SOX5: variants seen among roughly 807,000 people sequenced by gnomAD.
SOX5 encodes transcription factor SOX-5.
In SOX5, 9 loss-of-function variants were observed where a neutral mutation model predicts 92.0. The observed-to-expected ratio is 0.10, with a 90% CI of 0.06 to 0.17. The LOEUF is 0.17. Among genes scored for constraint, SOX5 ranks in the 10% least tolerant of loss-of-function variants. SOX5 has a pLI of 1.00. For missense variants in SOX5, 642 were observed against 944.5 expected (o/e 0.68, Z 4.20); for synonymous variants, 344 against 336.3 (o/e 1.02, Z -0.25).
chr12:24,382,967 T>C (rs375655873), intron 1 of SOX5, among the ~76,000 whole-genome samples: 71 of 152,282 alleles, frequency 4.7e-4, no homozygotes, highest in African/African-American at 1.6e-3. Context: ...GATACGTGTG[T>C]CTGGAGTTTA....
At chr12:23,941,049 T>C (rs780053175) in intron 1 of SOX5, among the ~76,000 whole-genome samples, 2 of 151,568 alleles carry the variant, frequency 1.3e-5, no homozygotes, top group African/African-American at 2.4e-5. Context: ...TTTGTATTTC[T>C]ATGAAATGTT....
chr12:23,802,174 T>C (rs1349079934), intron 3 of SOX5, among the ~76,000 whole-genome samples: 3 of 151,786 alleles, frequency 2.0e-5, no homozygotes, highest in Non-Finnish European at 4.4e-5. Flanking sequence ...CCCGGGTTCA[T>C]GCCATTCTCC....
chr12:24,370,935 A>G (rs1164788803), intron 1 of SOX5, among the ~76,000 whole-genome samples: 1 of 152,208 alleles, frequency 6.6e-6, no homozygotes, highest in Non-Finnish European at 1.5e-5. Context: ...TTTGGTAGAG[A>G]GAATAGGAAG....
chr12:23,668,402 C>G (rs941210208), intron 6 of SOX5, among the ~76,000 whole-genome samples: 1 of 152,144 alleles, frequency 6.6e-6, no homozygotes, highest in Admixed American at 6.6e-5. Flanking sequence ...AAACAATGAG[C>G]AGTGACTGTA....
intron 1 of SOX5, among the ~76,000 whole-genome samples, chr12:24,526,087 T>C (rs896737550): frequency 1.3e-5 from 2 of 151,984 alleles, no homozygotes; most frequent in Admixed American, 1.3e-4. Context: ...CCCAGGCCGG[T>C]CTCATACTCC....
chr12:23,606,311 C>T (rs1278819553), intron 8 of SOX5, among the ~76,000 whole-genome samples: 1 of 151,724 alleles, frequency 6.6e-6, no homozygotes, highest in Non-Finnish European at 1.5e-5. Context: ...AACTATATTA[C>T]ATTTTATGAA....
chr12:24,153,636 C>A lies in SOX5; in HGVS notation c.-2+59707G>T, dbSNP rs1951875436. On this transcript the variant is annotated intron_variant, in intron 4 of 4. Transcript: ENST00000446891. ...TCCTATGACCTTACCTCTGTTCTTG[C>A]ACACTCCACTGAAATAATGGCAAGA... Among the ~76,000 whole-genome samples the A allele has an allele frequency of 3.3e-5, 5 of 152,064 alleles. 1 individual carries two copies. In the South Asian group the frequency reaches 1.0e-3, roughly 32 times the overall value.
intron 5 of SOX5, chr12:23,738,339 G>A (rs1300462482): frequency 6.6e-6 from 1 of 152,190 alleles, no homozygotes; most frequent in African/African-American, 2.4e-5. Flanking sequence ...AGTATTAAAT[G>A]TCTTTCATGA....
intron 3 of SOX5, among the ~76,000 whole-genome samples, chr12:24,249,252 C>G (rs1489548814): frequency 6.6e-6 from 1 of 152,202 alleles, no homozygotes; most frequent in African/African-American, 2.4e-5. Flanking sequence ...TAACCTAACT[C>G]CTTTCCATTT....
At chr12:23,562,334 C>A (rs899377356) in intron 11 of SOX5, among the ~76,000 whole-genome samples, 3 of 152,246 alleles carry the variant, frequency 2.0e-5, no homozygotes, top group African/African-American at 7.2e-5. Context: ...TGCAGATTGC[C>A]AGCTTCTTAG....
At chr12:24,414,126 G>GCCCA (rs1184334424) in intron 1 of SOX5, among the ~76,000 whole-genome samples, 1 of 151,954 alleles carries the variant, frequency 6.6e-6, no homozygotes, top group Non-Finnish European at 1.5e-5. Flanking sequence ...AAATAATAGA[G>GCCCA]TTTCATTTAC....
At chr12:23,682,604 A>G (rs1011248129) in intron 6 of SOX5, among the ~76,000 whole-genome samples, 1 of 151,774 alleles carries the variant, frequency 6.6e-6, no homozygotes, top group African/African-American at 2.4e-5. Context: ...GGGAAAAACA[A>G]TCAAGAATAA....
At chr12:23,690,694 C>T (rs150697670) in intron 6 of SOX5, among the ~76,000 whole-genome samples, 2 of 152,320 alleles carry the variant, frequency 1.3e-5, no homozygotes, top group East Asian at 3.9e-4. Flanking sequence ...TGTCGAATGG[C>T]CTTGACCTAA....
chr12:24,356,606 C>T (rs756528748), intron 2 of SOX5, among the ~76,000 whole-genome samples: 8 of 152,166 alleles, frequency 5.3e-5, no homozygotes, highest in Non-Finnish European at 1.0e-4. Context: ...TGTCAGCTCA[C>T]TAAATTACAC....
intron 2 of SOX5, among the ~76,000 whole-genome samples, chr12:23,859,107 G>A (rs998768971): frequency 6.6e-6 from 1 of 152,062 alleles, no homozygotes; most frequent in Non-Finnish European, 1.5e-5. Context: ...ATGAAATCAG[G>A]GCACCCTGAA....
At chr12:24,330,534 CCCT>C (rs1410973617) in intron 2 of SOX5, among the ~76,000 whole-genome samples, 1 of 152,170 alleles carries the variant, frequency 6.6e-6, no homozygotes, top group Non-Finnish European at 1.5e-5. Flanking sequence ...TCCTTGACAA[CCCT>C]CAATAATAGT....
chr12:23,870,819 A>G (rs1355151308), intron 2 of SOX5, among the ~76,000 whole-genome samples: 5 of 152,102 alleles, frequency 3.3e-5, no homozygotes, highest in African/African-American at 1.2e-4. Flanking sequence ...TGATCGTTCA[A>G]GTTTTTTTCA....
chr12:24,059,502 C>T (rs914126981), intron 4 of SOX5, among the ~76,000 whole-genome samples: 2 of 152,096 alleles, frequency 1.3e-5, no homozygotes, highest in Non-Finnish European at 2.9e-5. Context: ...CATGCTGCCT[C>T]AACTTTGTCT....
chr12:23,734,534 G>C (rs2093515134), intron 6 of SOX5, 150 bp downstream of exon 6: 1 of 612,866 alleles, frequency 1.6e-6, no homozygotes, highest in African/African-American at 1.8e-5. Flanking sequence ...GACACCATTT[G>C]CAAGATTTCC....
Sources: gnomAD v4.1 joint callset for allele counts (sites outside exome capture counted in the v4.1 genomes callset) on GRCh38, gnomAD v4.1.1 for gene constraint, MANE v1.5 for transcripts, NCBI Gene and HGNC (gene_info 2026-07-23, HGNC 2026-07-21) for gene names.